CUL5: variants seen among roughly 807,000 people sequenced by gnomAD.
CUL5 encodes the protein cullin-5.
Under a neutral mutation model 108.8 loss-of-function variants are expected in CUL5, and 26 were observed. That is an observed-to-expected ratio of 0.24 (90% CI 0.18 to 0.33). CUL5 has a LOEUF of 0.33. Ranked by LOEUF, CUL5 falls within the 10% of genes least tolerant of loss-of-function variation. CUL5 has a pLI of 1.00. For synonymous variants in CUL5, 334 were observed against 298.0 expected, an observed-to-expected ratio of 1.12 and a Z score of -1.25; for missense variants, 524 against 909.2, an observed-to-expected ratio of 0.58 and a Z score of 5.45.
intron 1 of CUL5, among the ~76,000 whole-genome samples, chr11:108,023,984 C>T (rs939187846): frequency 2.6e-5 from 4 of 152,104 alleles, no homozygotes; most frequent in Non-Finnish European, 4.4e-5. Context: ...ATGTTTCCGC[C>T]GTATGGTTTC....
intron 10 of CUL5, among the ~76,000 whole-genome samples, chr11:108,076,498 G>T (rs1349009066): frequency 2.6e-5 from 4 of 151,838 alleles, no homozygotes; most frequent in Non-Finnish European, 4.4e-5. Flanking sequence ...CTGTATATTT[G>T]AATTTTTTTT....
chr11:108,094,807 T>C lies in CUL5; in HGVS notation c.1568-5T>C, dbSNP rs745871372. ...ACTTTATATTCCTGATATTCTTCTCTATAGCTGATTCAGTTAATATAAAAA... is the reference window on the plus strand; with the variant it reads ...ACTTTATATTCCTGATATTCTTCTCCATAGCTGATTCAGTTAATATAAAAA... On this transcript the variant is annotated splice_polypyrimidine_tract_variant and splice_region_variant and intron_variant, in intron 14 of 18. Coordinates refer to ENST00000393094, the MANE Select transcript of CUL5 (RefSeq NM_003478.6). 2 of 1,584,076 alleles carry C rather than the reference T, an allele frequency of 1.3e-6. No homozygotes were observed. Among genetic ancestry groups the C allele is most frequent in the East Asian group, 4.5e-5 (2 of 44,498 alleles).
rs929337579 is a variant in CUL5, at chr11:108,008,986, G to A, written c.-363G>A. On this transcript the variant is annotated 5_prime_UTR_variant, in exon 1 of 19. Coordinates refer to ENST00000393094, the MANE Select transcript of CUL5 (RefSeq NM_003478.6). ...AGCTAAATTCGTTGCAGGTGGCCGC[G>A]GCGGGTGCAACCACAAAGGCTAATC... 1.1e-5 allele frequency: 3 copies of A among 263,476 alleles called. No homozygotes were observed. The highest frequency in any genetic ancestry group is 2.2e-5 in the Non-Finnish European group (3 of 139,430). 16.3% of individuals were successfully genotyped at this position (263,476 alleles called of 1,614,324 possible).
At chr11:108,078,628 G>A (rs528985716) in intron 11 of CUL5, among the ~76,000 whole-genome samples, 1 of 152,170 alleles carries the variant, frequency 6.6e-6, no homozygotes, top group South Asian at 2.1e-4. Context: ...TAATTGGTAA[G>A]ATGAATATGC....
rs142045312 is a variant in CUL5 at position 108,029,697 on chromosome 11, CAATT to C, written c.25-4099_25-4096del. ...TCTATTATAAAAGTTTAATAGAAAA[CAATT>C]AATTATTAAATTCCTTTTAAAATTG... On this transcript the variant is annotated intron_variant, in intron 1 of 18. Coordinates refer to ENST00000393094, the MANE Select transcript of CUL5 (RefSeq NM_003478.6). Among the ~76,000 whole-genome samples, 470 of 152,228 alleles carry C rather than the reference CAATT, an allele frequency of 3.1e-3. 3 individuals are homozygous for C. The highest frequency in any genetic ancestry group is 8.7e-3 in the African/African-American group (362 of 41,538).
At chr11:108,055,131 A>G (rs1863340227) in intron 7 of CUL5, among the ~76,000 whole-genome samples, 176 bp downstream of exon 7, 1 of 152,226 alleles carries the variant, frequency 6.6e-6, no homozygotes, top group African/African-American at 2.4e-5. Flanking sequence ...TTTAGAACAC[A>G]TTGTCCTTTG....
At chr11:108,011,692 A>G (rs1480170173) in intron 1 of CUL5, among the ~76,000 whole-genome samples, 2 of 151,072 alleles carry the variant, frequency 1.3e-5, no homozygotes, top group Admixed American at 6.6e-5. Flanking sequence ...CAGTGGTGCG[A>G]TCTTGGTTCA....
chr11:108,041,337 G>A (rs1338116757), intron 2 of CUL5, among the ~76,000 whole-genome samples: 1 of 151,588 alleles, frequency 6.6e-6, no homozygotes. Context: ...GAGTGCAGTG[G>A]CATGATCTCG....
intron 7 of CUL5, among the ~76,000 whole-genome samples, chr11:108,061,783 T>C (rs1863542350): frequency 6.6e-6 from 1 of 152,146 alleles, no homozygotes; most frequent in Non-Finnish European, 1.5e-5. Flanking sequence ...GAGTAATTTG[T>C]AAAGGAAAGA....
intron 7 of CUL5, among the ~76,000 whole-genome samples, chr11:108,068,881 T>A (rs559701857): frequency 8.6e-4 from 131 of 152,270 alleles, no homozygotes; most frequent in Non-Finnish European, 1.5e-3. Flanking sequence ...ACCCACTCCT[T>A]ACCACCTGCC....
At chr11:108,060,714 G>A (rs1351787658) in intron 7 of CUL5, among the ~76,000 whole-genome samples, 1 of 152,034 alleles carries the variant, frequency 6.6e-6, no homozygotes, top group Non-Finnish European at 1.5e-5. Context: ...GTGCGTGCCT[G>A]TAATCTCAGC....
At chr11:108,042,822 G>C (rs1280662452) in intron 2 of CUL5, among the ~76,000 whole-genome samples, 1 of 152,026 alleles carries the variant, frequency 6.6e-6, no homozygotes, top group Non-Finnish European at 1.5e-5. Context: ...GAGTGCAGAA[G>C]TGCAGTCTTC....
chr11:108,088,470 A>C, intron 11 of CUL5, 57 bp from the exon 12 acceptor site: 1 of 1,527,254 alleles, frequency 6.5e-7, no homozygotes, highest in Admixed American at 2.2e-5. Context: ...ACTTTAGAAA[A>C]AAATAATTGC....
intron 16 of CUL5, 42 bp downstream of exon 16, chr11:108,095,733 T>G (rs764871154): frequency 6.7e-7 from 1 of 1,501,886 alleles, no homozygotes; most frequent in Non-Finnish European, 9.1e-7. Flanking sequence ...TATCCTCTCA[T>G]GTAGCAGGAA....
At chr11:108,040,956 CCT>C (rs1443081512) in intron 2 of CUL5, among the ~76,000 whole-genome samples, 17 of 152,268 alleles carry the variant, frequency 1.1e-4, no homozygotes, top group Non-Finnish European at 2.4e-4. Flanking sequence ...CACACCATTC[CCT>C]GTTATCCTAT....
At chr11:108,100,623 A>G (rs60762047) in intron 18 of CUL5, among the ~76,000 whole-genome samples, 15,354 of 152,304 alleles carry the variant, frequency 0.1, 1,008 homozygotes, top group Non-Finnish European at 0.15. Flanking sequence ...AATAATTTCT[A>G]TGACCTATGG....
At chr11:108,058,915 G>A (rs557985488) in intron 7 of CUL5, among the ~76,000 whole-genome samples, 1 of 152,168 alleles carries the variant, frequency 6.6e-6, no homozygotes, top group African/African-American at 2.4e-5. Context: ...AAGGTAAGAG[G>A]CTTCCGAGCT....
chr11:108,088,675 G>C lies in CUL5; in HGVS notation c.1311+16G>C, dbSNP rs751840064. On this transcript the variant is annotated intron_variant, in intron 12 of 18. Transcript: ENST00000393094. ...TAAAGAAGTGGTACATGAATTTTTTGTATTTCAACTTTTAAAATTACCTTA... is the reference window on the plus strand; with the variant it reads ...TAAAGAAGTGGTACATGAATTTTTTCTATTTCAACTTTTAAAATTACCTTA... 2 of 1,559,322 alleles carry C rather than the reference G, an allele frequency of 1.3e-6. No individual in the cohort carries two copies. Among genetic ancestry groups the C allele is most frequent in the Admixed American group, 4.3e-5 (2 of 46,606 alleles).
At position 108,009,317 on chromosome 11, in the gene CUL5, G is replaced by C. The variant is rs1289026413; in HGVS notation, c.-32G>C. ...CTGGCCGGGAGCGCCACGAATTCTCGCGTCGTCTCGCGAGAGTCCAAGTTA... is the reference window on the plus strand; with the variant it reads ...CTGGCCGGGAGCGCCACGAATTCTCCCGTCGTCTCGCGAGAGTCCAAGTTA... On this transcript the variant is annotated 5_prime_UTR_variant, in exon 1 of 19. Transcript: ENST00000393094. 3 of 1,609,976 alleles carry C rather than the reference G, an allele frequency of 1.9e-6. No homozygotes were observed. In the African/African-American group the frequency reaches 4.0e-5, roughly 22 times the overall value.
Sources: gnomAD v4.1 joint callset for allele counts (sites outside exome capture counted in the v4.1 genomes callset) on GRCh38, gnomAD v4.1.1 for gene constraint, MANE v1.5 for transcripts, NCBI Gene and HGNC (gene_info 2026-07-23, HGNC 2026-07-21) for gene names.